Variants in IRF6 observed in about 807,000 individuals in gnomAD.
IRF6 encodes the protein interferon regulatory factor 6, also known as Van der Woude syndrome.
IRF6 carries 6 observed loss-of-function variants against 51.4 expected under a neutral mutation model. The observed-to-expected ratio is 0.12, with a 90% CI of 0.06 to 0.23. The LOEUF (loss-of-function observed/expected upper bound fraction) is 0.23. Among genes scored for constraint, IRF6 ranks in the 10% least tolerant of loss-of-function variants. The pLI is 1.00. For missense variants in IRF6, 348 were observed against 585.2 expected (o/e 0.59, Z 4.18); for synonymous variants, 178 against 215.7 (o/e 0.83, Z 1.53).
Position 209,790,386 on chromosome 1 carries a change from T to C in IRF6, c.1060+109A>G, listed in dbSNP as rs969204341. On this transcript the variant is annotated intron_variant, in intron 7 of 8. Transcript: ENST00000367021. The surrounding 1 kb of genome is among the most constrained non-coding windows in gnomAD (Gnocchi z 4.8). ...TTGACCTCCTCCAGACTAAATTTTTTAAGATCTTTGCCATGCCAGGAAAGC... is the reference window on the plus strand; with the variant it reads ...TTGACCTCCTCCAGACTAAATTTTTCAAGATCTTTGCCATGCCAGGAAAGC... 1 of 1,362,030 alleles carries C rather than the reference T, an allele frequency of 7.3e-7. No homozygotes were observed. The highest frequency in any genetic ancestry group is 1.0e-6 in the Non-Finnish European group (1 of 961,710). The allele number at this position is 1,362,030 out of a possible 1,614,324, so 84.4% of individuals were successfully genotyped here. A position where few individuals can be genotyped will look rare whatever the true frequency, so the allele number is the denominator to read the frequency against.
At chr1:209,801,606 C>G (rs2077942730) in intron 2 of IRF6, among the ~76,000 whole-genome samples, 190 bp from the exon 3 acceptor site, 1 of 152,236 alleles carries the variant, frequency 6.6e-6, no homozygotes, top group South Asian at 2.1e-4. Context: ...ATTCTGATTC[C>G]AAAGCCATTT....
At chr1:209,798,908 CAAAAAAAAAAAA>C (rs61182544) in intron 3 of IRF6, among the ~76,000 whole-genome samples, 25 of 99,094 alleles carry the variant, frequency 2.5e-4, no homozygotes, top group Non-Finnish European at 4.0e-4. Context: ...GACTCTGTCT[CAAAAAAAAAAAA>C]AAAAAAAAAA....
intron 6 of IRF6, among the ~76,000 whole-genome samples, chr1:209,791,231 A>C (rs551543845): frequency 4.6e-5 from 7 of 152,234 alleles, no homozygotes; most frequent in Admixed American, 2.6e-4. Context: ...CTAAAAACTA[A>C]GGTATCTTGT....
rs778082181 is a variant in IRF6 at position 209,801,215 on chromosome 1, T to C, written c.174+25A>G. 9 of 1,407,816 alleles carry C rather than the reference T, an allele frequency of 6.4e-6. No individual in the cohort carries two copies. The South Asian group carries it at 1.0e-4, about 16-fold the overall frequency. The allele number at this position is 1,407,816 out of a possible 1,614,324, so 87.2% of individuals were successfully genotyped here. On this transcript the variant is annotated intron_variant, in intron 3 of 8. Coordinates refer to ENST00000367021, the MANE Select transcript of IRF6 (RefSeq NM_006147.4). The stretch of plus-strand genomic sequence containing the variant: ...AAAAAAAAAAAAAAATCCAGAAAGG[T>C]CTGATGGTAGAAGAAGTCCTTTACC...
intron 8 of IRF6, 34 bp from the exon 9 acceptor site, chr1:209,788,678 G>A: frequency 6.4e-7 from 1 of 1,559,488 alleles, no homozygotes; most frequent in Non-Finnish European, 8.8e-7. Flanking sequence ...TGTATCCTCT[G>A]AGGAAAAGGT....
intron 1 of IRF6, among the ~76,000 whole-genome samples, chr1:209,803,350 AC>A (rs1329970583): frequency 2.0e-5 from 3 of 152,224 alleles, no homozygotes; most frequent in African/African-American, 7.2e-5. Context: ...GGCCTGTCAG[AC>A]ATTAAAATCC....
Position 209,790,332 on chromosome 1 carries a change from A to G in IRF6, c.1060+163T>C, listed in dbSNP as rs1466214847. 2.0e-5 allele frequency among the ~76,000 whole-genome samples: 3 copies of G among 152,196 alleles called. No homozygotes were observed. Among genetic ancestry groups the G allele is most frequent in the Non-Finnish European group, 4.4e-5 (3 of 68,026 alleles). Reference sequence around the variant, plus strand: ...CTTCTTTGTTGCCTAGGTCACCTCCAATTTTTAGAACCAAAGTTCTGTTCT... The same window carrying G: ...CTTCTTTGTTGCCTAGGTCACCTCCGATTTTTAGAACCAAAGTTCTGTTCT... On this transcript the variant is annotated intron_variant, in intron 7 of 8. Transcript: ENST00000367021. The surrounding 1 kb of genome is among the most constrained non-coding windows in gnomAD (Gnocchi z 4.8).
chr1:209,797,183 C>T (rs547918425), intron 3 of IRF6, among the ~76,000 whole-genome samples: 26 of 151,970 alleles, frequency 1.7e-4, no homozygotes, highest in Non-Finnish European at 2.1e-4. Flanking sequence ...CCAGCCTGAC[C>T]AACGCGGAGA....
rs1416688438 is a variant in IRF6 at position 209,801,249 on chromosome 1, G to C, written c.165C>G (p.Thr55=). 27 of 1,607,736 alleles carry C rather than the reference G, an allele frequency of 1.7e-5. No individual in the cohort carries two copies. Among genetic ancestry groups the C allele is most frequent in the Non-Finnish European group, 2.2e-5 (26 of 1,175,272 alleles). The part of the protein sequence containing the change: ...RHSPQQEEEN[T]IFKAWAVETG... The stretch of plus-strand genomic sequence containing the variant: ...AGAAGAAGTCCTTTACCTTAAAAAT[G>C]GTATTTTCCTCTTCTTGTTGAGGGC... Residue 55 remains threonine, a synonymous_variant, in exon 3 of 9, where the codon ACC becomes ACG. Transcript: ENST00000367021.
chr1:209,798,909 A>C (rs1175104993), intron 3 of IRF6, among the ~76,000 whole-genome samples: 1 of 19,818 alleles, frequency 5.0e-5, no homozygotes, highest in South Asian at 2.2e-3. Context: ...ACTCTGTCTC[A>C]AAAAAAAAAA....
chr1:209,790,797 T>A lies in IRF6; in HGVS notation c.758A>T (p.Tyr253Phe). Residue 253 changes from tyrosine to phenylalanine, a missense_variant, in exon 7 of 9, where the codon TAT (tyrosine) becomes TTT (phenylalanine). Tyr to Phe is a conservative substitution (Grantham distance 22). Around this residue, in one of 5 missense-constraint regions of IRF6, gnomAD observed 125 missense variants for 222.0 expected, o/e 0.56. Transcript: ENST00000367021. The surrounding 1 kb of genome is among the most constrained non-coding windows in gnomAD (Gnocchi z 4.8). ...VSNPQGCRLF[Y>F]GDLGPMPDQE... ...GTCAGGCATGGGACCCAGGTCCCCATAGAAGAGTCGGCAGCCCTGAGGGTT... is the reference window on the plus strand; with the variant it reads ...GTCAGGCATGGGACCCAGGTCCCCAAAGAAGAGTCGGCAGCCCTGAGGGTT... The A allele has an allele frequency of 6.2e-7, 1 of 1,614,126 alleles. No homozygotes were observed.
At chr1:209,792,781 T>C in intron 5 of IRF6, 1 of 320,904 alleles carries the variant, frequency 3.1e-6, no homozygotes, top group Non-Finnish European at 5.9e-6. Flanking sequence ...TTGTCTTCCA[T>C]AAAACGAACT....
chr1:209,805,463 CTG>C lies in IRF6; in HGVS notation c.-76+482_-76+483del, dbSNP rs557246215. 6.6e-5 allele frequency among the ~76,000 whole-genome samples: 10 copies of C among 152,330 alleles called. No homozygotes were observed. The South Asian group carries it at 1.9e-3, about 28-fold the overall frequency. On this transcript the variant is annotated intron_variant, in intron 1 of 8. Transcript: ENST00000367021. ...CCCAGGCCCAGGGCGAAGGGCCTAA[CTG>C]TGCCAAACAGACTCAGGGAGGGAAG...
intron 6 of IRF6, among the ~76,000 whole-genome samples, chr1:209,791,488 A>G (rs1482446021): frequency 5.3e-5 from 8 of 152,174 alleles, no homozygotes; most frequent in African/African-American, 1.7e-4. Flanking sequence ...CATGCCTACC[A>G]TATGTAGTGT....
At chr1:209,798,960 C>T (rs1342946264) in intron 3 of IRF6, among the ~76,000 whole-genome samples, 1 of 149,266 alleles carries the variant, frequency 6.7e-6, no homozygotes, top group Non-Finnish European at 1.5e-5. Flanking sequence ...CTAGGAGGAA[C>T]CATGTGGCAA....
intron 4 of IRF6, 52 bp from the exon 5 acceptor site, chr1:209,795,470 C>A: frequency 6.2e-7 from 1 of 1,610,314 alleles, no homozygotes. Flanking sequence ...GCACTGCCAC[C>A]CCTGCAGCTG....
At position 209,805,962 on chromosome 1, in the gene IRF6, C is replaced by G. The variant is rs1397000908; in HGVS notation, c.-91G>C. ...GCGTACCCACCTTTGCTCAATCTGT[C>G]CACCAGAAGCGGACGTCCCTCCGAA... is the stretch of plus-strand genomic sequence containing the variant. On this transcript the variant is annotated 5_prime_UTR_variant, in exon 1 of 9. Coordinates refer to ENST00000367021, the MANE Select transcript of IRF6 (RefSeq NM_006147.4). 6.6e-6 allele frequency: 1 copy of G among 152,380 alleles called. No individual in the cohort carries two copies. Among genetic ancestry groups the G allele is most frequent in the African/African-American group, 2.4e-5 (1 of 41,474 alleles). The allele number at this position is 152,380 out of a possible 1,614,324, so 9.4% of individuals were successfully genotyped here. A position where few individuals can be genotyped will look rare whatever the true frequency, so the allele number is the denominator to read the frequency against.
chr1:209,794,095 A>G (rs923128068), intron 5 of IRF6, among the ~76,000 whole-genome samples: 4 of 152,212 alleles, frequency 2.6e-5, no homozygotes, highest in Non-Finnish European at 5.9e-5. Context: ...ACCCAATAAT[A>G]GGATTGCTGG....
intron 1 of IRF6, among the ~76,000 whole-genome samples, chr1:209,804,867 C>T (rs952957384): frequency 5.9e-5 from 9 of 152,314 alleles, no homozygotes; most frequent in Non-Finnish European, 1.2e-4. Context: ...TTAAAACACA[C>T]GCCATTTCTC....
Sources: gnomAD v4.1 joint callset for allele counts (sites outside exome capture counted in the v4.1 genomes callset) on GRCh38, gnomAD v4.1.1 for gene constraint, gnomAD v4.1.1 regional missense constraint, Gnocchi (gnomAD v3.1) non-coding constraint, MANE v1.5 for transcripts, NCBI Gene and HGNC (gene_info 2026-07-23, HGNC 2026-07-21) for gene names.